PCSK6: variants seen among roughly 807,000 people sequenced by gnomAD.
The protein encoded by PCSK6 is paired basic amino acid cleaving enzyme 4.
In PCSK6, 85 loss-of-function variants were observed where a neutral mutation model predicts 123.3. That is an observed-to-expected ratio of 0.69 (90% CI 0.58 to 0.83). The LOEUF is 0.83. Among genes scored for constraint, PCSK6 ranks in the 40% least tolerant of loss-of-function variants. PCSK6 has a pLI of 0.00. For synonymous variants in PCSK6, 508 were observed against 516.0 expected (o/e 0.98, Z 0.21); for missense variants, 1,191 against 1,282.3 (o/e 0.93, Z 1.09).
intron 2 of PCSK6, among the ~76,000 whole-genome samples, chr15:101,434,143 G>A (rs2056528723): frequency 6.6e-6 from 1 of 152,204 alleles, no homozygotes; most frequent in Non-Finnish European, 1.5e-5. Context: ...GCCTGAACTA[G>A]AAGGCTTTTT....
chr15:101,344,116 C>T (rs932305413), intron 13 of PCSK6, among the ~76,000 whole-genome samples: 3 of 151,944 alleles, frequency 2.0e-5, no homozygotes, highest in Non-Finnish European at 4.4e-5. Flanking sequence ...GTGTATTATT[C>T]TGTTGTTTGG....
chr15:101,481,304 G>A (rs1367678228), intron 1 of PCSK6, among the ~76,000 whole-genome samples: 1 of 128,260 alleles, frequency 7.8e-6, no homozygotes, highest in Admixed American at 7.7e-5. Flanking sequence ...AACTTGGAAG[G>A]CTGAGGGGCG....
intron 1 of PCSK6, among the ~76,000 whole-genome samples, chr15:101,484,765 A>C (rs991737184): frequency 1.2e-4 from 19 of 152,126 alleles, no homozygotes; most frequent in African/African-American, 4.1e-4. Flanking sequence ...TTTCTCTCTC[A>C]ACACTATTTG....
At chr15:101,378,108 T>G (rs990428140) in intron 11 of PCSK6, among the ~76,000 whole-genome samples, 5 of 152,210 alleles carry the variant, frequency 3.3e-5, no homozygotes, top group Non-Finnish European at 7.3e-5. Context: ...CTCTATTTCA[T>G]TCGTTGGAAT....
intron 13 of PCSK6, among the ~76,000 whole-genome samples, chr15:101,358,679 C>T (rs73493400): frequency 6.6e-6 from 1 of 152,198 alleles, no homozygotes; most frequent in Non-Finnish European, 1.5e-5. Context: ...AGGTACCATT[C>T]ATCTGGAGGC....
chr15:101,380,022 G>A (rs992130432), intron 11 of PCSK6, among the ~76,000 whole-genome samples: 2 of 152,202 alleles, frequency 1.3e-5, no homozygotes, highest in African/African-American at 4.8e-5. Context: ...TGAGACGGTA[G>A]GCTGGCTGAA....
chr15:101,348,811 C>T (rs1013965367), intron 13 of PCSK6, among the ~76,000 whole-genome samples: 1 of 152,168 alleles, frequency 6.6e-6, no homozygotes, highest in African/African-American at 2.4e-5. Flanking sequence ...CCACGCCTGC[C>T]AGCTGCTCTG....
chr15:101,328,870 G>A (rs1369229034), intron 15 of PCSK6, among the ~76,000 whole-genome samples: 2 of 152,238 alleles, frequency 1.3e-5, no homozygotes, highest in Non-Finnish European at 2.9e-5. Flanking sequence ...TCTCGCCCAT[G>A]AAGCGTTCTT....
chr15:101,486,395 G>C (rs1030202020), intron 1 of PCSK6, among the ~76,000 whole-genome samples: 2 of 152,212 alleles, frequency 1.3e-5, no homozygotes, highest in African/African-American at 4.8e-5. Flanking sequence ...TCTCAGATGT[G>C]CTGCCATGCA....
chr15:101,446,283 A>T (rs2056887665), intron 1 of PCSK6, among the ~76,000 whole-genome samples: 1 of 152,274 alleles, frequency 6.6e-6, no homozygotes, highest in African/African-American at 2.4e-5. Flanking sequence ...GTCATTCAGC[A>T]TAATGTGCTC....
chr15:101,403,413 A>G (rs1354522926), intron 6 of PCSK6, among the ~76,000 whole-genome samples: 1 of 122,958 alleles, frequency 8.1e-6, no homozygotes, highest in Non-Finnish European at 1.8e-5. Flanking sequence ...CTAAAACTTA[A>G]AGTATAATAA....
rs185434156 is a variant in PCSK6, at chr15:101,419,910, G to C, written c.823+7982C>G. Among the ~76,000 whole-genome samples, 339 of 152,186 alleles carry C rather than the reference G, an allele frequency of 2.2e-3. 1 individual carries two copies. The highest frequency in any genetic ancestry group is 7.9e-3 in the African/African-American group (326 of 41,514). On this transcript the variant is annotated intron_variant, in intron 6 of 21. Transcript: ENST00000611716. ...ATCAAAAAGCTGAACAGAAAGGCTGGTTGTAGTGGCTCACACCTGTAATCC... is the reference window on the plus strand; with the variant it reads ...ATCAAAAAGCTGAACAGAAAGGCTGCTTGTAGTGGCTCACACCTGTAATCC...
intron 2 of PCSK6, among the ~76,000 whole-genome samples, chr15:101,432,552 C>T (rs2056481224): frequency 1.3e-5 from 2 of 151,356 alleles, no homozygotes; most frequent in Non-Finnish European, 2.9e-5. Flanking sequence ...TTGCTTGAGC[C>T]TGGGAAGTCA....
At position 101,387,123 on chromosome 15, in the gene PCSK6, T is replaced by C. The variant is rs117762937; in HGVS notation, c.1310+2341A>G. ...CTTCCTCACCGTCTCTCCCCGTCCG[T>C]GTCCAGTGGCTCAGTCTCCAGGACT... On this transcript the variant is annotated intron_variant, in intron 9 of 21. Coordinates refer to ENST00000611716, the MANE Select transcript of PCSK6 (RefSeq NM_002570.5). Among the ~76,000 whole-genome samples, 219 of 152,318 alleles carry C rather than the reference T, an allele frequency of 1.4e-3. 1 individual carries two copies. The East Asian group carries it at 0.018, about 12-fold the overall frequency.
intron 18 of PCSK6, among the ~76,000 whole-genome samples, chr15:101,320,665 A>G (rs2040099772): frequency 6.6e-6 from 1 of 152,184 alleles, no homozygotes; most frequent in Non-Finnish European, 1.5e-5. Context: ...TCATGTCTTT[A>G]TAACTGACAC....
intron 5 of PCSK6, among the ~76,000 whole-genome samples, chr15:101,429,509 C>T (rs780943266): frequency 3.9e-5 from 6 of 152,112 alleles, no homozygotes; most frequent in Non-Finnish European, 7.4e-5. Context: ...CCGGCATGCA[C>T]GCAGCCAGTA....
At chr15:101,344,600 A>T (rs1455673451) in intron 13 of PCSK6, among the ~76,000 whole-genome samples, 3 of 152,192 alleles carry the variant, frequency 2.0e-5, no homozygotes, top group Admixed American at 1.3e-4. Flanking sequence ...GGAGGAGTGG[A>T]GAATGGATCT....
chr15:101,433,752 C>T (rs1418618403), intron 2 of PCSK6, among the ~76,000 whole-genome samples: 1 of 152,248 alleles, frequency 6.6e-6, no homozygotes, highest in African/African-American at 2.4e-5. Flanking sequence ...ATTTCTCTTC[C>T]TCCTCCCTGA....
intron 1 of PCSK6, among the ~76,000 whole-genome samples, chr15:101,485,860 TTAAAC>T (rs1315420774): frequency 6.6e-6 from 1 of 152,196 alleles, no homozygotes; most frequent in African/African-American, 2.4e-5. Context: ...TTGTCACAGC[TTAAAC>T]TAGATTACAT....
Sources: gnomAD v4.1 joint callset for allele counts (sites outside exome capture counted in the v4.1 genomes callset) on GRCh38, gnomAD v4.1.1 for gene constraint, MANE v1.5 for transcripts, NCBI Gene and HGNC (gene_info 2026-07-23, HGNC 2026-07-21) for gene names.